Variants in PRH1 observed in about 807,000 individuals in gnomAD.
The protein encoded by PRH1 is proline rich protein HaeIII subfamily 1.
A neutral mutation model predicts 7.9 loss-of-function variants in PRH1; 7 were observed. That is an observed-to-expected ratio of 0.89 (90% CI 0.50 to 1.67). PRH1 has a LOEUF of 1.67. Among genes scored for constraint, PRH1 ranks in the 40% most tolerant of loss-of-function variants. PRH1 has a pLI of 0.00. For missense variants in PRH1, 109 were observed against 223.6 expected, an observed-to-expected ratio of 0.49 and a Z score of 3.27; for synonymous variants, 45 against 80.8, an observed-to-expected ratio of 0.56 and a Z score of 2.38.
intron 2 of PRH1, among the ~76,000 whole-genome samples, chr12:10,966,992 G>T (rs1938532443): frequency 6.6e-6 from 1 of 151,924 alleles, no homozygotes; most frequent in Admixed American, 6.6e-5. Context: ...GCGGGCACCT[G>T]TAGTCCCAGC....
intron 2 of PRH1, among the ~76,000 whole-genome samples, chr12:10,904,809 G>C (rs1372053456): frequency 6.6e-6 from 1 of 152,002 alleles, no homozygotes. Context: ...AATCTATAAG[G>C]AATGGAAACA....
At chr12:11,060,610 A>G (rs1943552806) in intron 1 of PRH1, among the ~76,000 whole-genome samples, 1 of 152,186 alleles carries the variant, frequency 6.6e-6, no homozygotes, top group Non-Finnish European at 1.5e-5. Flanking sequence ...ATAGCAATCA[A>G]GATCACAATC....
intron 2 of PRH1, among the ~76,000 whole-genome samples, chr12:10,933,133 G>T (rs1461054567): frequency 6.6e-6 from 1 of 152,040 alleles, no homozygotes; most frequent in Non-Finnish European, 1.5e-5. Context: ...GAGTAATCAG[G>T]TAAAGCTTAA....
At chr12:11,039,537 T>C (rs1402153904) in intron 1 of PRH1, among the ~76,000 whole-genome samples, 1 of 152,258 alleles carries the variant, frequency 6.6e-6, no homozygotes, top group African/African-American at 2.4e-5. Context: ...TTTCCTTGTT[T>C]AAACTCTCCA....
intron 2 of PRH1, among the ~76,000 whole-genome samples, chr12:10,899,361 C>T (rs558199861): frequency 1.3e-5 from 2 of 152,122 alleles, no homozygotes; most frequent in African/African-American, 2.4e-5. Flanking sequence ...TGTTTGTCCC[C>T]ATCAGAACTC....
At chr12:11,001,727 T>C (rs1348404578) in intron 1 of PRH1, among the ~76,000 whole-genome samples, 1 of 152,150 alleles carries the variant, frequency 6.6e-6, no homozygotes, top group African/African-American at 2.4e-5. Flanking sequence ...CGATTAGGCT[T>C]TACTTTACCT....
rs1392878546 is a variant in PRH1, at chr12:11,092,832, G to T, written n.124-45644C>A. On this transcript the variant is annotated intron_variant and non_coding_transcript_variant, in intron 1 of 4. Transcript: ENST00000541977. ...CTATATGCACCTGATTTGTGAATGT[G>T]CTGTGACATTCTTTTTACTTTTAAT... Among the ~76,000 whole-genome samples the T allele has an allele frequency of 5.2e-5, 6 of 115,344 alleles. 3 individuals carry two copies. Among genetic ancestry groups the T allele is most frequent in the Non-Finnish European group, 8.2e-5 (4 of 48,806 alleles). The allele number at this position is 115,344 out of a possible 152,430, so 75.7% of individuals were successfully genotyped here. A position where few individuals can be genotyped will look rare whatever the true frequency, so the allele number is the denominator to read the frequency against.
chr12:11,164,398 C>T (rs1947510383), intron 1 of PRH1, among the ~76,000 whole-genome samples: 2 of 152,212 alleles, frequency 1.3e-5, no homozygotes, highest in Admixed American at 1.3e-4. Context: ...CATGGGACTT[C>T]TCAGCCTCCA....
chr12:11,073,879 C>T (rs145639588), intron 1 of PRH1, among the ~76,000 whole-genome samples: 2,103 of 151,988 alleles, frequency 0.014, no homozygotes, highest in Middle Eastern at 0.027. Context: ...CCCTCTTCAG[C>T]GGAGGAGTAT....
chr12:10,922,825 C>CTTTTTTTTTTTTTTTTTTTTTT, intron 2 of PRH1, among the ~76,000 whole-genome samples: 1 of 113,550 alleles, frequency 8.8e-6, no homozygotes, highest in Non-Finnish European at 1.8e-5. Flanking sequence ...TGAATTTTTT[C>CTTTTTTTTTTTTTTTTTTTTTT]TTTTTCTTTT....
chr12:11,064,695 A>T (rs1442552297), intron 1 of PRH1, among the ~76,000 whole-genome samples: 3 of 152,170 alleles, frequency 2.0e-5, no homozygotes, highest in Admixed American at 1.3e-4. Flanking sequence ...TGCAGTAAAC[A>T]TTCATTTAGA....
chr12:10,944,267 A>G (rs115326499), intron 2 of PRH1, among the ~76,000 whole-genome samples: 3,009 of 152,098 alleles, frequency 0.02, 35 homozygotes, highest in South Asian at 0.032. Flanking sequence ...AAGTTTTTTT[A>G]TAATTCTTAT....
In PRH1 at chr12:11,141,412, A is replaced by G. The variant is rs186520230; in HGVS notation, n.40-20232T>C. On this transcript the variant is annotated intron_variant and non_coding_transcript_variant, in intron 1 of 1. Transcript: ENST00000541175. The stretch of plus-strand genomic sequence containing the variant: ...CTGCTTAATTTATTTTTGATTACTT[A>G]ATGGTTTAAGATGAGTAGATGTTAA... Among the ~76,000 whole-genome samples the G allele has an allele frequency of 1.1e-3, 164 of 152,270 alleles. 1 individual carries two copies. The highest frequency in any genetic ancestry group is 3.9e-3 in the African/African-American group (160 of 41,558).
chr12:10,947,076 A>G (rs7139268), intron 2 of PRH1, among the ~76,000 whole-genome samples: 149,446 of 152,284 alleles, frequency 0.98, 73,371 homozygotes, highest in Middle Eastern at 1. Context: ...AGTATGTGCC[A>G]TGTGGCTATG....
At chr12:11,047,650 A>G (rs1330403593), upstream of PRH1, among the ~76,000 whole-genome samples, 1 of 152,120 alleles carries the variant, frequency 6.6e-6, no homozygotes, top group African/African-American at 2.4e-5. Flanking sequence ...ATTTTTTTCT[A>G]ATCTATTCAC....
chr12:10,904,637 G>A (rs1048470437), intron 2 of PRH1, among the ~76,000 whole-genome samples: 2 of 152,018 alleles, frequency 1.3e-5, no homozygotes, highest in Admixed American at 1.3e-4. Context: ...TTATGACTAA[G>A]TCCCCAAAAG....
At chr12:11,019,051 G>C (rs1591820130) in intron 1 of PRH1, among the ~76,000 whole-genome samples, 1 of 152,284 alleles carries the variant, frequency 6.6e-6, no homozygotes, top group African/African-American at 2.4e-5. Flanking sequence ...ATTGGTTAGT[G>C]TGACTTTCCC....
intron 1 of PRH1, among the ~76,000 whole-genome samples, chr12:11,141,584 ACTACT>A (rs2136395070): frequency 6.6e-6 from 1 of 152,288 alleles, no homozygotes; most frequent in East Asian, 1.9e-4. Flanking sequence ...TCATTTTACA[ACTACT>A]CTATGCCTTG....
chr12:10,986,158 G>A, intron 1 of PRH1: 1 of 1,614,082 alleles, frequency 6.2e-7, no homozygotes, highest in Non-Finnish European at 8.5e-7. Context: ...CATAACAAGA[G>A]GAAGGAGATC....
Sources: allele counts gnomAD v4.1 joint callset (sites outside exome capture counted in the v4.1 genomes callset), GRCh38; gene constraint gnomAD v4.1.1; transcripts MANE v1.5; gene names NCBI Gene and HGNC (gene_info 2026-07-23, HGNC 2026-07-21).